KTN1: variants seen among roughly 807,000 people sequenced by gnomAD.
KTN1 encodes the protein kinectin.
In KTN1, 130 loss-of-function variants were observed where a neutral mutation model predicts 222.5. That is an observed-to-expected ratio of 0.58 (90% CI 0.51 to 0.68). KTN1 has a LOEUF of 0.68. Among genes scored for constraint, KTN1 ranks in the 30% least tolerant of loss-of-function variants. KTN1 has a pLI of 0.00. For synonymous variants in KTN1, 512 were observed against 496.3 expected, an observed-to-expected ratio of 1.03 and a Z score of -0.42; for missense variants, 1,508 against 1,500.4, an observed-to-expected ratio of 1.01 and a Z score of -0.08.
chr14:55,618,715 T>G lies in KTN1; in HGVS notation c.833-467T>G, dbSNP rs73289503. Among the ~76,000 whole-genome samples the G allele has an allele frequency of 3.1e-3, 477 of 152,312 alleles. 3 individuals carry two copies. Among genetic ancestry groups the G allele is most frequent in the African/African-American group, 0.011 (456 of 41,580 alleles). ...AAATGTCAGGATGGTTTGCATATAT[T>G]TGATCTTCATAGAATCAGATTTCCT... On this transcript the variant is annotated intron_variant, in intron 4 of 43. Coordinates refer to ENST00000395314, the MANE Select transcript of KTN1 (RefSeq NM_001079521.2).
At chr14:55,603,103 C>T (rs140323191) in intron 1 of KTN1, among the ~76,000 whole-genome samples, 1 of 152,076 alleles carries the variant, frequency 6.6e-6, no homozygotes, top group Non-Finnish European at 1.5e-5. Context: ...TCTGTCTTTT[C>T]TTGCTATTTG....
At position 55,679,678 on chromosome 14, in the gene KTN1, G is replaced by C; in HGVS notation, c.4062G>C (p.Gln1354His). 2 of 1,613,790 alleles carry C rather than the reference G, an allele frequency of 1.2e-6. No individual in the cohort carries two copies. Among genetic ancestry groups the C allele is most frequent in the East Asian group, 2.2e-5 (1 of 44,866 alleles). The change falls in exon 43 of 44, where the codon CAG becomes CAC. Residue 1354 changes from glutamine (Q) to histidine (H), a missense_variant. Gln to His is a conservative substitution (Grantham distance 24). Coordinates refer to ENST00000395314, the MANE Select transcript of KTN1 (RefSeq NM_001079521.2). ...TCACAAAGGAGAAAGAGCACTACCA[G>C]GTGTTAGGTAAGGACAACTGAAATA... ...QQLTKEKEHY[Q>H]VLE
At chr14:55,682,592 C>G (rs1237866675) in intron 43 of KTN1, 1 of 152,072 alleles carries the variant, frequency 6.6e-6, no homozygotes, top group African/African-American at 2.4e-5. Context: ...AGCATGCTTC[C>G]AACATGTGGC....
chr14:55,665,892 G>T (rs2044682610), intron 33 of KTN1, among the ~76,000 whole-genome samples: 1 of 151,866 alleles, frequency 6.6e-6, no homozygotes, highest in African/African-American at 2.4e-5. Flanking sequence ...TCTTGGTTAT[G>T]TTAGATACTT....
At chr14:55,616,136 G>GC (rs2038359394) in intron 2 of KTN1, among the ~76,000 whole-genome samples, 1 of 151,948 alleles carries the variant, frequency 6.6e-6, no homozygotes, top group South Asian at 2.1e-4. Context: ...TCACCACTTT[G>GC]CCCAGGTTGG....
chr14:55,582,986 C>T (rs369600302), intron 1 of KTN1, among the ~76,000 whole-genome samples: 2 of 152,308 alleles, frequency 1.3e-5, no homozygotes, highest in East Asian at 1.9e-4. Context: ...ATTGCTTCCT[C>T]TTTCAGTTCC....
chr14:55,652,937 A>G lies in KTN1; in HGVS notation c.2691A>G (p.Leu897=), dbSNP rs773186164. 1.9e-6 allele frequency: 3 copies of G among 1,607,146 alleles called. No individual in the cohort carries two copies. In the African/African-American group the frequency reaches 4.0e-5, roughly 22 times the overall value. The change falls in exon 26 of 44, where the codon TTA becomes TTG. Residue 897 remains leucine, a synonymous_variant. Transcript: ENST00000395314. Reference sequence around the variant, plus strand: ...ACCTAGCCAATACAGGGAAGTGGTTACAGGTGAGAAATTAAAAACAATAAA... The same window carrying G: ...ACCTAGCCAATACAGGGAAGTGGTTGCAGGTGAGAAATTAAAAACAATAAA... ...EKDLANTGKW[L]QDLQEENESL...
rs372170602 is a variant in KTN1 at position 55,612,915 on chromosome 14, C to A, written c.523+344C>A. 7.1e-4 allele frequency among the ~76,000 whole-genome samples: 102 copies of A among 143,286 alleles called. 1 individual carries two copies. The South Asian group carries it at 0.012, about 17-fold the overall frequency. 94.0% of individuals were successfully genotyped at this position (143,286 alleles called of 152,430 possible). ...AAGAAATTAAAAGAAAAAAAAAAAA[C>A]CCCATACATCTTATAAATATCCAAC... On this transcript the variant is annotated intron_variant, in intron 2 of 43. Coordinates refer to ENST00000395314, the MANE Select transcript of KTN1 (RefSeq NM_001079521.2).
At chr14:55,644,605 T>C (rs944006060) in intron 18 of KTN1, among the ~76,000 whole-genome samples, 2 of 151,830 alleles carry the variant, frequency 1.3e-5, no homozygotes, top group Non-Finnish European at 2.9e-5. Flanking sequence ...ATTTTGACTT[T>C]TAGTGAAGGA....
chr14:55,672,048 T>C, intron 37 of KTN1, 171 bp downstream of exon 37: 1 of 562,916 alleles, frequency 1.8e-6, no homozygotes, highest in Admixed American at 3.4e-5. Flanking sequence ...AATAGTCTAA[T>C]GCCCACCCAA....
At chr14:55,633,710 C>G (rs1217825085) in intron 8 of KTN1, among the ~76,000 whole-genome samples, 1 of 152,044 alleles carries the variant, frequency 6.6e-6, no homozygotes, top group Non-Finnish European at 1.5e-5. Context: ...CCATCTGTCC[C>G]CTTTCACAGT....
chr14:55,644,284 T>C (rs2042077420), intron 18 of KTN1: 1 of 602,408 alleles, frequency 1.7e-6, no homozygotes, highest in African/African-American at 1.8e-5. Context: ...CAAGTGACAG[T>C]TGAGAGATTG....
At chr14:55,671,528 T>G in intron 35 of KTN1, 38 bp from the exon 36 acceptor site, 1 of 1,477,820 alleles carries the variant, frequency 6.8e-7, no homozygotes, top group Non-Finnish European at 9.3e-7. Context: ...AACTTTCTGG[T>G]AGAATTATGG....
intron 40 of KTN1, chr14:55,674,551 G>A (rs2045732146): frequency 1.3e-5 from 2 of 152,034 alleles, no homozygotes; most frequent in African/African-American, 2.4e-5. Flanking sequence ...CTGGTTCTAT[G>A]CTATGCATTG....
rs1022947620 is a variant in KTN1, at chr14:55,667,189, T to A, written c.3178-52T>A. The A allele has an allele frequency of 7.9e-5, 91 of 1,148,814 alleles. No homozygotes were observed. Among genetic ancestry groups the A allele is most frequent in the Middle Eastern group, 3.9e-4 (2 of 5,082 alleles). The allele number at this position is 1,148,814 out of a possible 1,614,324, so 71.2% of individuals were successfully genotyped here. On this transcript the variant is annotated intron_variant, in intron 33 of 43. Transcript: ENST00000395314. Reference sequence around the variant, plus strand: ...CTATAGTTTTTTTCTTTTCTTTTTTTAAAAACATTCTGTGATCTTGTAAGT... The same window carrying A: ...CTATAGTTTTTTTCTTTTCTTTTTTAAAAAACATTCTGTGATCTTGTAAGT...
At chr14:55,668,569 A>G (rs568968071) in intron 34 of KTN1, 2 of 152,168 alleles carry the variant, frequency 1.3e-5, no homozygotes, top group South Asian at 2.1e-4. Context: ...AGACCACTTC[A>G]TGGGCGGTGG....
chr14:55,642,848 AAT>A (rs1178419582), intron 18 of KTN1, among the ~76,000 whole-genome samples: 3 of 152,082 alleles, frequency 2.0e-5, no homozygotes, highest in Non-Finnish European at 4.4e-5. Flanking sequence ...AACTAAAGGT[AAT>A]AGAGGAGACA....
intron 12 of KTN1, 127 bp from the exon 13 acceptor site, chr14:55,639,058 G>A: frequency 1.6e-6 from 1 of 609,610 alleles, no homozygotes; most frequent in Non-Finnish European, 2.9e-6. Context: ...ACTTACCATG[G>A]GCCAGATACT....
intron 39 of KTN1, 57 bp downstream of exon 39, chr14:55,673,069 A>G: frequency 6.6e-7 from 1 of 1,520,064 alleles, no homozygotes; most frequent in Admixed American, 1.7e-5. Context: ...AGTTTATAAC[A>G]GTGATATTTC....
Sources: allele counts gnomAD v4.1 joint callset (sites outside exome capture counted in the v4.1 genomes callset), GRCh38; gene constraint gnomAD v4.1.1; transcripts MANE v1.5; gene names NCBI Gene and HGNC (gene_info 2026-07-23, HGNC 2026-07-21).